Variants in APLF observed in about 807,000 individuals in gnomAD.
The protein encoded by APLF is aprataxin and PNK-like factor.
A neutral mutation model predicts 55.6 loss-of-function variants in APLF; 61 were observed. The ratio of observed to expected loss-of-function variants is 1.10; its 90% CI spans 0.89 to 1.36. The LOEUF (loss-of-function observed/expected upper bound fraction) is 1.36. Ranked by LOEUF, APLF falls within the 40% of genes most tolerant of loss-of-function variation. The pLI, the probability that APLF is intolerant of heterozygous loss-of-function variation, is 0.00. For missense variants in APLF, 611 were observed against 602.5 expected (o/e 1.01, Z -0.15); for synonymous variants, 207 against 214.8 (o/e 0.96, Z 0.32).
At chr2:68,469,572 G>C (rs1450204627) in intron 1 of APLF, among the ~76,000 whole-genome samples, 4 of 152,204 alleles carry the variant, frequency 2.6e-5, no homozygotes, top group Non-Finnish European at 5.9e-5. Flanking sequence ...GCGTGTATCA[G>C]AAGTGGTTAT....
intron 8 of APLF, among the ~76,000 whole-genome samples, chr2:68,551,603 C>CTTTTTTTT (rs70954311): frequency 3.5e-5 from 4 of 115,748 alleles, no homozygotes; most frequent in Non-Finnish European, 5.5e-5. Flanking sequence ...TCTTCTTCTT[C>CTTTTTTTT]TTTTTTTTTT....
intron 3 of APLF, among the ~76,000 whole-genome samples, chr2:68,506,551 A>G (rs545287529): frequency 6.6e-6 from 1 of 152,132 alleles, no homozygotes; most frequent in East Asian, 1.9e-4. Context: ...ATTCTCCATA[A>G]TAATCTCTAT....
At chr2:68,495,146 C>A (rs1471868745) in intron 2 of APLF, among the ~76,000 whole-genome samples, 1 of 152,178 alleles carries the variant, frequency 6.6e-6, no homozygotes, top group Non-Finnish European at 1.5e-5. Context: ...TGTCCCAAAT[C>A]TCATGTCCTT....
Position 68,578,980 on chromosome 2 carries a change from A to G in APLF, c.*958A>G, listed in dbSNP as rs567778767. 2.7e-5 allele frequency: 27 copies of G among 984,770 alleles called. No individual in the cohort carries two copies. The South Asian group carries it at 9.4e-4, about 34-fold the overall frequency. The allele number at this position is 984,770 out of a possible 1,614,324, so 61.0% of individuals were successfully genotyped here. On this transcript the variant is annotated 3_prime_UTR_variant, in exon 10 of 10. Coordinates refer to ENST00000303795, the MANE Select transcript of APLF (RefSeq NM_173545.3). ...TACTTTAAGCCCTATAATGCTCTTC[A>G]TATTACGTGACTTTGAATTGTTAAA...
At chr2:68,518,357 G>T (rs1380397978) in intron 5 of APLF, among the ~76,000 whole-genome samples, 7 of 101,216 alleles carry the variant, frequency 6.9e-5, no homozygotes, top group South Asian at 2.9e-4. Context: ...TATTAATATA[G>T]CAATATATTA....
rs553828416 is a variant in APLF, at chr2:68,501,232, G to A, written c.169-1499G>A. ...GGCCAGATTCTTATGAAATTGAATG[G>A]TCAGAACTAGGTGGATTATATTCAT... On this transcript the variant is annotated intron_variant, in intron 2 of 9. Coordinates refer to ENST00000303795, the MANE Select transcript of APLF (RefSeq NM_173545.3). Among the ~76,000 whole-genome samples, 27 of 152,222 alleles carry A rather than the reference G, an allele frequency of 1.8e-4. 1 individual carries two copies. In the South Asian group the frequency reaches 3.7e-3, roughly 21 times the overall value.
chr2:68,535,540 G>A (rs1670363008), intron 6 of APLF, among the ~76,000 whole-genome samples: 1 of 150,080 alleles, frequency 6.7e-6, no homozygotes, highest in South Asian at 2.1e-4. Flanking sequence ...TTATTTTAAT[G>A]TCTGCATAGT....
At chr2:68,553,835 A>G (rs144104933) in intron 8 of APLF, among the ~76,000 whole-genome samples, 5 of 152,236 alleles carry the variant, frequency 3.3e-5, no homozygotes, top group African/African-American at 9.6e-5. Context: ...AAAACAGTGT[A>G]AGAATTATTC....
intron 5 of APLF, chr2:68,515,865 T>G (rs1413611458): frequency 1.9e-6 from 1 of 517,480 alleles, no homozygotes; most frequent in Non-Finnish European, 2.5e-6. Context: ...AATTAAAAGT[T>G]AAAACAATTA....
chr2:68,482,907 G>A (rs901712759), intron 1 of APLF, among the ~76,000 whole-genome samples: 3 of 152,234 alleles, frequency 2.0e-5, no homozygotes, highest in Middle Eastern at 3.4e-3. Flanking sequence ...GGGCTGCTAT[G>A]CTGTTTCTGC....
At chr2:68,562,067 G>C (rs1042633431) in intron 8 of APLF, among the ~76,000 whole-genome samples, 7 of 151,984 alleles carry the variant, frequency 4.6e-5, no homozygotes, top group Non-Finnish European at 8.8e-5. Flanking sequence ...CCTTAGAAAA[G>C]ATGGAAATGA....
Position 68,577,846 on chromosome 2 carries a change from G to T in APLF, c.1360G>T (p.Asp454Tyr). The change falls in exon 10 of 10, where the codon GAT (aspartate) becomes TAT (tyrosine). Residue 454 changes from aspartate (D) to tyrosine (Y), a missense_variant. By Grantham distance (160) the Asp-to-Tyr change is radical. Coordinates refer to ENST00000303795, the MANE Select transcript of APLF (RefSeq NM_173545.3). ...PVRNVLDEDN[D>Y]NVGQPNEYDL... is the part of the protein sequence containing the mutation. ...GAGAAATGTTTTAGATGAAGATAATGATAATGTTGGGCAACCCAATGAGTA... is the reference window on the plus strand; with the variant it reads ...GAGAAATGTTTTAGATGAAGATAATTATAATGTTGGGCAACCCAATGAGTA... 1 of 1,613,334 alleles carries T rather than the reference G, an allele frequency of 6.2e-7. No homozygotes were observed. The highest frequency in any genetic ancestry group is 8.5e-7 in the Non-Finnish European group (1 of 1,179,554).
Position 68,492,987 on chromosome 2 carries a change from C to T in APLF, c.168+2726C>T, listed in dbSNP as rs111483688. Among the ~76,000 whole-genome samples, 1,191 of 152,192 alleles carry T rather than the reference C, an allele frequency of 7.8e-3. 15 individuals carry two copies. The highest frequency in any genetic ancestry group is 0.027 in the African/African-American group (1,135 of 41,528). On this transcript the variant is annotated intron_variant, in intron 2 of 9. Coordinates refer to ENST00000303795, the MANE Select transcript of APLF (RefSeq NM_173545.3). ...TAGAATGTCATAGCCTTCTGGAGAA[C>T]GTCTGATCTTAAATACTCAGCAAAT...
chr2:68,507,232 A>T (rs1472269410), intron 3 of APLF, among the ~76,000 whole-genome samples: 1 of 151,956 alleles, frequency 6.6e-6, no homozygotes, highest in East Asian at 1.9e-4. Flanking sequence ...AAAGAATAGA[A>T]AAAAGCTTAT....
intron 8 of APLF, among the ~76,000 whole-genome samples, chr2:68,555,514 A>G (rs934274322): frequency 3.9e-5 from 6 of 152,062 alleles, no homozygotes; most frequent in South Asian, 2.1e-4. Flanking sequence ...TGAATAGACA[A>G]TTTTCAAAAG....
intron 1 of APLF, among the ~76,000 whole-genome samples, chr2:68,476,382 C>T (rs1422595747): frequency 1.4e-5 from 2 of 147,588 alleles, no homozygotes; most frequent in Non-Finnish European, 3.0e-5. Context: ...ACTTGGGAGG[C>T]GGAGGCAGGA....
intron 8 of APLF, among the ~76,000 whole-genome samples, chr2:68,566,114 G>A (rs2104065818): frequency 6.6e-6 from 1 of 152,156 alleles, no homozygotes; most frequent in Middle Eastern, 3.4e-3. Context: ...TGCAGTAGAT[G>A]TGGAATTATA....
intron 3 of APLF, among the ~76,000 whole-genome samples, chr2:68,504,045 G>A (rs1316974443): frequency 6.6e-6 from 1 of 151,788 alleles, no homozygotes; most frequent in Admixed American, 6.6e-5. Context: ...AGAATAATGA[G>A]GAAATATTAC....
chr2:68,490,324 A>G (rs1676320426), intron 2 of APLF, 63 bp downstream of exon 2: 4 of 1,401,104 alleles, frequency 2.9e-6, no homozygotes, highest in Non-Finnish European at 3.0e-6. Context: ...TCCCAAGCAG[A>G]GGTGCCTATT....
Sources: allele counts gnomAD v4.1 joint callset (sites outside exome capture counted in the v4.1 genomes callset), GRCh38; gene constraint gnomAD v4.1.1; transcripts MANE v1.5; gene names NCBI Gene and HGNC (gene_info 2026-07-23, HGNC 2026-07-21).